The following SAMD5 variants were observed in gnomAD, a reference collection of about 807,000 sequenced individuals.
SAMD5 encodes the protein sterile alpha motif domain containing 5, also known as sterile alpha motif domain-containing protein 5.
In SAMD5, 13 loss-of-function variants were observed where a neutral mutation model predicts 11.3. The observed-to-expected ratio is 1.15, with a 90% confidence interval of 0.75 to 1.83. SAMD5 has a LOEUF of 1.83. Among genes scored for constraint, SAMD5 ranks in the 40% most tolerant of loss-of-function variants. The probability of loss-of-function intolerance (pLI) is 0.00; values close to 1 mark genes in which losing one functional copy is unlikely to be tolerated. For synonymous variants in SAMD5, 129 were observed against 111.3 expected, an observed-to-expected ratio of 1.16 and a Z score of -1.00; for missense variants, 255 against 239.1, an observed-to-expected ratio of 1.07 and a Z score of -0.44.
At chr6:147,522,206 C>T (rs1208755173) in intron 1 of SAMD5, among the ~76,000 whole-genome samples, 1 of 152,020 alleles carries the variant, frequency 6.6e-6, no homozygotes, top group Non-Finnish European at 1.5e-5. Flanking sequence ...ATTGCATTGG[C>T]TAGAATTTAT....
intron 1 of SAMD5, among the ~76,000 whole-genome samples, chr6:147,614,735 C>G (rs986242610): frequency 6.6e-6 from 1 of 151,824 alleles, no homozygotes; most frequent in Non-Finnish European, 1.5e-5. Context: ...GGAATGTTGT[C>G]AGTTTGCTAT....
the SAMD5 span, among the ~76,000 whole-genome samples, chr6:147,778,989 A>ATT: frequency 0.19 from 28,120 of 147,880 alleles, 2,801 homozygotes; most frequent in East Asian, 0.3. Context: ...GGGAAAATGG[A>ATT]TTTTTTTTTT....
chr6:147,946,665 A>G, the SAMD5 span, among the ~76,000 whole-genome samples: 1 of 152,220 alleles, frequency 6.6e-6, no homozygotes, highest in Non-Finnish European at 1.5e-5. Flanking sequence ...TTTAAATACA[A>G]TTTAATTTCT....
chr6:147,717,004 T>C (rs1173165928), intron 1 of SAMD5, among the ~76,000 whole-genome samples: 1 of 152,172 alleles, frequency 6.6e-6, no homozygotes, highest in African/African-American at 2.4e-5. Flanking sequence ...TCTCCATAAT[T>C]TAAAATGTAA....
chr6:147,604,239 G>GTAT (rs1447955517), intron 1 of SAMD5, among the ~76,000 whole-genome samples: 1 of 149,758 alleles, frequency 6.7e-6, no homozygotes, highest in Non-Finnish European at 1.5e-5. Flanking sequence ...TGATGCTTAA[G>GTAT]TATCAGAACT....
intron 1 of SAMD5, among the ~76,000 whole-genome samples, chr6:147,550,653 CAGAA>C (rs1788755656): frequency 6.6e-6 from 1 of 152,012 alleles, no homozygotes; most frequent in African/African-American, 2.4e-5. Context: ...TATTCAGAAA[CAGAA>C]AGTCAAAACC....
chr6:147,869,912 C>T, the SAMD5 span, among the ~76,000 whole-genome samples: 19 of 151,996 alleles, frequency 1.3e-4, no homozygotes, highest in Non-Finnish European at 2.4e-4. Flanking sequence ...GACGGGGTCT[C>T]CTTGTATTGC....
the SAMD5 span, among the ~76,000 whole-genome samples, chr6:147,778,740 G>A: frequency 6.6e-6 from 1 of 152,068 alleles, no homozygotes; most frequent in Non-Finnish European, 1.5e-5. Flanking sequence ...CTATTCTTCA[G>A]AGTACTTGAC....
At chr6:147,778,857 T>TA in the SAMD5 span, among the ~76,000 whole-genome samples, 27,079 of 151,746 alleles carry the variant, frequency 0.18, 3,108 homozygotes, top group African/African-American at 0.32. Flanking sequence ...CTGATTTCTC[T>TA]AAAAAAAATT....
chr6:147,556,096 TA>T (rs1275581338), intron 1 of SAMD5, among the ~76,000 whole-genome samples: 15 of 151,622 alleles, frequency 9.9e-5, no homozygotes, highest in Non-Finnish European at 2.2e-4. Flanking sequence ...GTGTTATTAT[TA>T]TTTTTTTTTT....
the SAMD5 span, among the ~76,000 whole-genome samples, chr6:147,899,428 GA>G: frequency 2.0e-5 from 3 of 152,100 alleles, no homozygotes; most frequent in Admixed American, 1.3e-4. Context: ...AAGGCCTACA[GA>G]ATGTTTTTAG....
At chr6:147,907,476 C>T in the SAMD5 span, among the ~76,000 whole-genome samples, 1 of 152,200 alleles carries the variant, frequency 6.6e-6, no homozygotes, top group Admixed American at 6.5e-5. Flanking sequence ...GATGCAATAA[C>T]TTTTGCACCA....
the SAMD5 span, among the ~76,000 whole-genome samples, chr6:147,954,520 T>A: frequency 6.6e-6 from 1 of 152,142 alleles, no homozygotes; most frequent in African/African-American, 2.4e-5. Flanking sequence ...CCTATGGGAG[T>A]GTACGCTAAT....
chr6:147,693,411 G>A (rs17389207), intron 1 of SAMD5, among the ~76,000 whole-genome samples: 17,021 of 152,270 alleles, frequency 0.11, 1,054 homozygotes, highest in Middle Eastern at 0.15. Flanking sequence ...GGTACTTGAG[G>A]AAGATTCATA....
the SAMD5 span, among the ~76,000 whole-genome samples, chr6:147,877,186 C>G: frequency 6.6e-6 from 1 of 151,848 alleles, no homozygotes; most frequent in African/African-American, 2.4e-5. Flanking sequence ...CAATACCTGG[C>G]GCATAGTATT....
At chr6:147,771,697 C>T in the SAMD5 span, among the ~76,000 whole-genome samples, 1 of 152,058 alleles carries the variant, frequency 6.6e-6, no homozygotes, top group Non-Finnish European at 1.5e-5. Flanking sequence ...AAATTGGTCC[C>T]ACACCCCTCA....
intron 1 of SAMD5, among the ~76,000 whole-genome samples, chr6:147,585,850 G>A (rs984480540): frequency 2.6e-5 from 4 of 152,090 alleles, no homozygotes; most frequent in African/African-American, 9.7e-5. Flanking sequence ...CATTCACACC[G>A]TGAAGGCTAA....
At chr6:147,652,626 C>A (rs1790501859) in intron 1 of SAMD5, among the ~76,000 whole-genome samples, 1 of 152,120 alleles carries the variant, frequency 6.6e-6, no homozygotes, top group Non-Finnish European at 1.5e-5. Flanking sequence ...CTCCTCATCT[C>A]GGATCCCTAT....
chr6:147,895,798 C>T, the SAMD5 span, among the ~76,000 whole-genome samples: 17 of 152,136 alleles, frequency 1.1e-4, no homozygotes, highest in Admixed American at 1.0e-3. Flanking sequence ...CTACAGCAAT[C>T]GGATTTTGTT....
Sources: gnomAD v4.1 joint callset for allele counts (sites outside exome capture counted in the v4.1 genomes callset) on GRCh38, gnomAD v4.1.1 for gene constraint, MANE v1.5 for transcripts, NCBI Gene and HGNC (gene_info 2026-07-23, HGNC 2026-07-21) for gene names.